The following MTF1 variants were observed in gnomAD, a reference collection of about 807,000 sequenced individuals.
MTF1 encodes metal regulatory transcription factor 1.
A neutral mutation model predicts 70.4 loss-of-function variants in MTF1; 22 were observed. That is an observed-to-expected ratio of 0.31 (90% CI 0.22 to 0.45). The LOEUF (loss-of-function observed/expected upper bound fraction) is 0.45. Among genes scored for constraint, MTF1 ranks in the 20% least tolerant of loss-of-function variants. MTF1 has a pLI of 1.00. For missense variants in MTF1, 649 were observed against 922.0 expected, an observed-to-expected ratio of 0.70 and a Z score of 3.83; for synonymous variants, 333 against 352.8, an observed-to-expected ratio of 0.94 and a Z score of 0.63.
chr1:37,852,177 G>T (rs944677638), intron 2 of MTF1, among the ~76,000 whole-genome samples: 3 of 152,056 alleles, frequency 2.0e-5, no homozygotes, highest in Admixed American at 6.6e-5. Context: ...TAAATTCTCA[G>T]GCCAACTCTT....
intron 2 of MTF1, among the ~76,000 whole-genome samples, chr1:37,845,217 G>A (rs917071054): frequency 6.6e-6 from 1 of 152,238 alleles, no homozygotes; most frequent in African/African-American, 2.4e-5. Context: ...AGGACTACAA[G>A]TGACATGTGA....
rs943755404 is a variant in MTF1 at position 37,812,409 on chromosome 1, T to G, written c.*2727A>C. 1 of 152,260 alleles carries G rather than the reference T, an allele frequency of 6.6e-6. No individual in the cohort carries two copies. The highest frequency in any genetic ancestry group is 2.4e-5 in the African/African-American group (1 of 41,466). 9.4% of individuals were successfully genotyped at this position (152,260 alleles called of 1,614,324 possible). A position where few individuals can be genotyped will look rare whatever the true frequency, so the allele number is the denominator to read the frequency against. ...CCACTCACTGGCATTTTAAGCACAT[T>G]CCTGATTTTTCAAAAGCTGATTGGA... On this transcript the variant is annotated 3_prime_UTR_variant, in exon 11 of 11. Transcript: ENST00000373036.
chr1:37,838,320 C>T (rs927589826), intron 4 of MTF1, among the ~76,000 whole-genome samples: 3 of 152,142 alleles, frequency 2.0e-5, no homozygotes, highest in South Asian at 2.1e-4. Flanking sequence ...AGGCCTGCTT[C>T]GGAGTATTTC....
At chr1:37,832,937 C>T (rs1237251834) in intron 6 of MTF1, among the ~76,000 whole-genome samples, 1 of 151,256 alleles carries the variant, frequency 6.6e-6, no homozygotes, top group Non-Finnish European at 1.5e-5. Context: ...ACCTGGGCGG[C>T]AGAGGTTGCA....
rs553054667 is a variant in MTF1 at position 37,826,559 on chromosome 1, C to A, written c.1069-2747G>T. ...AAGCACTGGGATTACAAGTATGAGC[C>A]ACCACCACCAGCTGATGATTCTCTT... On this transcript the variant is annotated intron_variant, in intron 7 of 10. Transcript: ENST00000373036. The A allele has an allele frequency of 8.8e-5, 40 of 455,400 alleles. 1 individual carries two copies. The highest frequency in any genetic ancestry group is 6.8e-4 in the African/African-American group (34 of 50,046). 28.2% of individuals were successfully genotyped at this position (455,400 alleles called of 1,614,324 possible).
chr1:37,810,412 T>C lies in MTF1; in HGVS notation c.*4724A>G, dbSNP rs904968333. On this transcript the variant is annotated 3_prime_UTR_variant, in exon 11 of 11. Coordinates refer to ENST00000373036, the MANE Select transcript of MTF1 (RefSeq NM_005955.3). The stretch of plus-strand genomic sequence containing the variant: ...TAAAAAAGCTTGTACTATGTACACA[T>C]TGACATAAAGATCCAGTTTAATTTG... The C allele has an allele frequency of 3.3e-5, 5 of 152,254 alleles. No individual in the cohort carries two copies. Among genetic ancestry groups the C allele is most frequent in the Non-Finnish European group, 2.9e-5 (2 of 68,036 alleles). 9.4% of individuals were successfully genotyped at this position (152,254 alleles called of 1,614,324 possible).
At chr1:37,839,849 A>G (rs1215682861) in intron 3 of MTF1, 71 bp downstream of exon 3, 1 of 1,241,698 alleles carries the variant, frequency 8.1e-7, no homozygotes, top group Non-Finnish European at 1.2e-6. Context: ...CTCCTCTGCA[A>G]GGGGAAAGAG....
Position 37,813,249 on chromosome 1 carries a change from C to T in MTF1, c.*1887G>A, listed in dbSNP as rs1640763673. On this transcript the variant is annotated 3_prime_UTR_variant, in exon 11 of 11. Transcript: ENST00000373036. The stretch of plus-strand genomic sequence containing the variant: ...CCAAGATTGCGCCACTGCACTCCAG[C>T]CAGGGCAACAAAAGCAAAACTCTGT... 6.6e-6 allele frequency: 1 copy of T among 152,060 alleles called. No homozygotes were observed. The allele number at this position is 152,060 out of a possible 1,614,324, so 9.4% of individuals were successfully genotyped here.
chr1:37,822,834 T>G, intron 8 of MTF1, 118 bp from the exon 9 acceptor site: 2 of 671,518 alleles, frequency 3.0e-6, no homozygotes, highest in Admixed American at 2.9e-5. Context: ...GATCTCTTCA[T>G]AGCTAGCAGG....
At chr1:37,836,270 G>T (rs998162393) in intron 4 of MTF1, among the ~76,000 whole-genome samples, 1 of 152,094 alleles carries the variant, frequency 6.6e-6, no homozygotes, top group Non-Finnish European at 1.5e-5. Flanking sequence ...TGTCCTACAG[G>T]TAAGGTCCAT....
chr1:37,836,409 A>G (rs1423612629), intron 4 of MTF1, among the ~76,000 whole-genome samples: 2 of 152,200 alleles, frequency 1.3e-5, no homozygotes, highest in Non-Finnish European at 2.9e-5. Context: ...GTGGCTCTCA[A>G]ATATGTACAT....
Position 37,857,665 on chromosome 1 carries a change from G to C in MTF1, c.-7C>G. On this transcript the variant is annotated 5_prime_UTR_variant, in exon 2 of 11. Coordinates refer to ENST00000373036, the MANE Select transcript of MTF1 (RefSeq NM_005955.3). Reference sequence around the variant, plus strand: ...CTGGACTGTGTTCCCCCATGGTTCAGTTGTGCTCAGCCCAGTTGTGAGAAA... The same window carrying C: ...CTGGACTGTGTTCCCCCATGGTTCACTTGTGCTCAGCCCAGTTGTGAGAAA... 1 of 1,612,920 alleles carries C rather than the reference G, an allele frequency of 6.2e-7. No homozygotes were observed. The highest frequency in any genetic ancestry group is 8.5e-7 in the Non-Finnish European group (1 of 1,179,444).
intron 2 of MTF1, among the ~76,000 whole-genome samples, chr1:37,852,531 T>C (rs1487906892): frequency 6.6e-6 from 1 of 152,222 alleles, no homozygotes; most frequent in African/African-American, 2.4e-5. Flanking sequence ...TGCTTAACTC[T>C]TCACCTAGAT....
intron 9 of MTF1, among the ~76,000 whole-genome samples, chr1:37,820,689 T>TGGTA (rs1388136544): frequency 6.6e-6 from 1 of 152,218 alleles, no homozygotes; most frequent in Non-Finnish European, 1.5e-5. Context: ...TATTGCTTAA[T>TGGTA]GGTAGATACA....
At chr1:37,849,447 G>T (rs1641381540) in intron 2 of MTF1, among the ~76,000 whole-genome samples, 1 of 151,546 alleles carries the variant, frequency 6.6e-6, no homozygotes, top group Non-Finnish European at 1.5e-5. Context: ...AAAAAAAATT[G>T]CTGTAACTGT....
Position 37,835,119 on chromosome 1 carries a change from C to T in MTF1, c.950G>A (p.Gly317Glu). The stretch of plus-strand genomic sequence containing the variant: ...TTGTGGAAGTGCATTGTATGAGTGT[C>T]CTTTGTTATCATGACCTTTCATGTG... ...KSHMKGHDNK[G>E]HSYNALPQHN... is the part of the protein sequence containing the mutation. Residue 317 changes from glycine (G) to glutamate (E), a missense_variant, in exon 6 of 11, where the codon GGA becomes GAA. By Grantham distance (98) the Gly-to-Glu change is moderately conservative. Transcript: ENST00000373036. 4 of 1,614,094 alleles carry T rather than the reference C, an allele frequency of 2.5e-6. No individual in the cohort carries two copies. The highest frequency in any genetic ancestry group is 1.1e-5 in the South Asian group (1 of 91,074).
intron 7 of MTF1, among the ~76,000 whole-genome samples, chr1:37,828,710 G>A (rs1050740770): frequency 2.6e-5 from 4 of 152,152 alleles, no homozygotes; most frequent in Non-Finnish European, 4.4e-5. Context: ...TATGTATATT[G>A]TACCTCAATA....
chr1:37,834,767 A>C (rs1641139576), intron 6 of MTF1: 7 of 517,562 alleles, frequency 1.4e-5, no homozygotes, highest in Non-Finnish European at 2.6e-5. Flanking sequence ...AGTGTGAGGG[A>C]AAAAAGAGTC....
At chr1:37,822,945 C>T (rs1044485605) in intron 8 of MTF1, among the ~76,000 whole-genome samples, 1 of 152,118 alleles carries the variant, frequency 6.6e-6, no homozygotes, top group Non-Finnish European at 1.5e-5. Context: ...ATAGTTCTAA[C>T]CATTTAAAAA....
Sources: gnomAD v4.1 joint callset for allele counts (sites outside exome capture counted in the v4.1 genomes callset) on GRCh38, gnomAD v4.1.1 for gene constraint, MANE v1.5 for transcripts, NCBI Gene and HGNC (gene_info 2026-07-23, HGNC 2026-07-21) for gene names.